Variants in KLHL32 observed in about 807,000 individuals in gnomAD.
KLHL32 encodes kelch like family member 32.
In KLHL32, 35 loss-of-function variants were observed where a neutral mutation model predicts 64.8. The observed-to-expected ratio is 0.54, with a 90% confidence interval of 0.41 to 0.72. The LOEUF (loss-of-function observed/expected upper bound fraction) is 0.72. Ranked by LOEUF, KLHL32 falls within the 30% of genes least tolerant of loss-of-function variation. The pLI is 0.00. For missense variants in KLHL32, 589 were observed against 768.5 expected (o/e 0.77, Z 2.76); for synonymous variants, 259 against 281.0 (o/e 0.92, Z 0.78).
intron 5 of KLHL32, among the ~76,000 whole-genome samples, chr6:97,077,339 A>C (rs1791757908): frequency 6.6e-6 from 1 of 152,202 alleles, no homozygotes; most frequent in African/African-American, 2.4e-5. Flanking sequence ...AGAGTCTCAA[A>C]GTTCTGCTTA....
intron 3 of KLHL32, among the ~76,000 whole-genome samples, chr6:97,004,904 A>G (rs192614482): frequency 1.3e-5 from 2 of 151,438 alleles, no homozygotes; most frequent in African/African-American, 4.8e-5. Flanking sequence ...TTTTGCATCT[A>G]TGTTCATCAA....
chr6:96,992,250 G>A lies in KLHL32; in HGVS notation c.204+16073G>A, dbSNP rs570480848. 2.6e-5 allele frequency among the ~76,000 whole-genome samples: 4 copies of A among 152,366 alleles called. No individual in the cohort carries two copies. The East Asian group carries it at 7.7e-4, about 29-fold the overall frequency. On this transcript the variant is annotated intron_variant, in intron 3 of 10. Coordinates refer to ENST00000369261, the MANE Select transcript of KLHL32 (RefSeq NM_052904.4). ...GGCTCCCGGGACCCAGGGTTGCAAA[G>A]GTCCATGGCAGAAGTGTGGGTCCCC...
chr6:97,139,163 G>A lies in KLHL32; in HGVS notation c.1744G>A (p.Gly582Arg). 2.5e-6 allele frequency: 4 copies of A among 1,613,946 alleles called. No homozygotes were observed. Among genetic ancestry groups the A allele is most frequent in the Non-Finnish European group, 3.4e-6 (4 of 1,179,932 alleles). Reference protein sequence around the residue: ...SREGKEEVFYGPTLPFASNGI... With the variant: ...SREGKEEVFYRPTLPFASNGI... Reference sequence around the variant, plus strand: ...AGAAGGCAAAGAAGAAGTATTCTATGGGCCTACACTCCCTTTTGCTTCCAA... The same window carrying A: ...AGAAGGCAAAGAAGAAGTATTCTATAGGCCTACACTCCCTTTTGCTTCCAA... Residue 582 changes from glycine to arginine, a missense_variant, in exon 11 of 11, where the codon GGG (glycine) becomes AGG (arginine). By Grantham distance (125) the Gly-to-Arg change is moderately radical. Transcript: ENST00000369261.
chr6:97,069,706 A>T (rs1373525405), intron 5 of KLHL32, among the ~76,000 whole-genome samples: 1 of 152,100 alleles, frequency 6.6e-6, no homozygotes, highest in Non-Finnish European at 1.5e-5. Flanking sequence ...TCCATTAAGT[A>T]ATTTTTCTCT....
At chr6:97,040,776 T>TA (rs1784995562) in intron 3 of KLHL32, among the ~76,000 whole-genome samples, 1 of 152,296 alleles carries the variant, frequency 6.6e-6, no homozygotes, top group South Asian at 2.1e-4. Flanking sequence ...TGGGGGCGAT[T>TA]TCCCCCATGC....
intron 3 of KLHL32, among the ~76,000 whole-genome samples, chr6:97,017,738 G>C (rs1030123481): frequency 6.6e-6 from 1 of 152,164 alleles, no homozygotes; most frequent in East Asian, 1.9e-4. Flanking sequence ...CTTGTATCTA[G>C]GTGGGGCCAT....
rs755501307 is a variant in KLHL32 at position 97,114,129 on chromosome 6, A to C, written c.974A>C (p.Asn325Thr). ...QENALIAAIA[N>T]WSELAPMPVG... The stretch of plus-strand genomic sequence containing the variant: ...AATGCTCTCATAGCTGCCATTGCCA[A>C]CTGGAGTGAGCTGGCTCCCATGCCT... Residue 325 changes from asparagine to threonine, a missense_variant, in exon 7 of 11, where the codon AAC becomes ACC. This residue lies in a region of KLHL32 where 226 missense variants were observed against 353.2 expected (regional missense o/e 0.64). Transcript: ENST00000369261. The C allele has an allele frequency of 6.2e-7, 1 of 1,614,048 alleles. No individual in the cohort carries two copies. The highest frequency in any genetic ancestry group is 8.5e-7 in the Non-Finnish European group (1 of 1,180,034).
rs1554208428 is a variant in KLHL32, at chr6:96,973,730, C to CTCTTTTTTTTTTTTTTTT, written c.24-2266_24-2265insCTTTTTTTTTTTTTTTTT. Among the ~76,000 whole-genome samples, 266 of 118,226 alleles carry CTCTTTTTTTTTTTTTTTT rather than the reference C, an allele frequency of 2.2e-3. 6 individuals are homozygous for CTCTTTTTTTTTTTTTTTT. Among genetic ancestry groups the CTCTTTTTTTTTTTTTTTT allele is most frequent in the African/African-American group, 8.2e-3 (252 of 30,728 alleles). 77.6% of individuals were successfully genotyped at this position (118,226 alleles called of 152,430 possible). A position where few individuals can be genotyped will look rare whatever the true frequency, so the allele number is the denominator to read the frequency against. On this transcript the variant is annotated intron_variant, in intron 2 of 10. Coordinates refer to ENST00000369261, the MANE Select transcript of KLHL32 (RefSeq NM_052904.4). ...GATTTTTGAGATCTTTACAGATTGCCTTTTTTTTTTTAGACAGAGTCTCGC... is the reference window on the plus strand; with the variant it reads ...GATTTTTGAGATCTTTACAGATTGCCTCTTTTTTTTTTTTTTTTTTTTTTTTTTTAGACAGAGTCTCGC...
At chr6:96,961,824 C>T (rs1773915476) in intron 1 of KLHL32, among the ~76,000 whole-genome samples, 1 of 152,188 alleles carries the variant, frequency 6.6e-6, no homozygotes, top group Non-Finnish European at 1.5e-5. Context: ...TTTTGGCTCT[C>T]TGATATCAAA....
chr6:97,056,294 T>A (rs369017844), intron 4 of KLHL32, among the ~76,000 whole-genome samples: 12 of 151,366 alleles, frequency 7.9e-5, no homozygotes, highest in South Asian at 2.1e-4. Flanking sequence ...TTTAGTAGAG[T>A]CGGGGTTTCA....
rs775724875 is a variant in KLHL32 at position 97,130,954 on chromosome 6, G to A, written c.1606+5G>A. The A allele has an allele frequency of 3.7e-6, 6 of 1,607,770 alleles. No individual in the cohort carries two copies. Among genetic ancestry groups the A allele is most frequent in the Non-Finnish European group, 4.3e-6 (5 of 1,176,242 alleles). The stretch of plus-strand genomic sequence containing the variant: ...GTAATTTCAACCTGCTGACTGGCAA[G>A]TACCTTTGATTAAGTAAATCAGGAA... On this transcript the variant is annotated splice_donor_5th_base_variant and intron_variant, in intron 9 of 10. Transcript: ENST00000369261.
intron 1 of KLHL32, among the ~76,000 whole-genome samples, chr6:96,950,387 C>T (rs1772429317): frequency 6.6e-6 from 1 of 152,036 alleles, no homozygotes; most frequent in South Asian, 2.1e-4. Flanking sequence ...TAACATGAAG[C>T]TCAACCCAGC....
intron 3 of KLHL32, among the ~76,000 whole-genome samples, chr6:96,991,279 G>A (rs2128064583): frequency 1.3e-5 from 2 of 152,256 alleles, no homozygotes; most frequent in South Asian, 4.1e-4. Context: ...CTCAGCTGGG[G>A]GTGGGGTGTC....
At position 96,944,065 on chromosome 6, in the gene KLHL32, A is replaced by G. The variant is rs532535801; in HGVS notation, c.-66+19039A>G. ...CAGCATTAATTTGACCCCCAGCTGT[A>G]TTCGTTCCCTGTCAGTTCTTGTCCT... On this transcript the variant is annotated intron_variant, in intron 1 of 10. Coordinates refer to ENST00000369261, the MANE Select transcript of KLHL32 (RefSeq NM_052904.4). 2.6e-5 allele frequency among the ~76,000 whole-genome samples: 4 copies of G among 152,284 alleles called. No homozygotes were observed. In the South Asian group the frequency reaches 6.2e-4, roughly 24 times the overall value.
At chr6:97,118,067 CAAAT>C (rs1290444304) in intron 7 of KLHL32, among the ~76,000 whole-genome samples, 2 of 152,074 alleles carry the variant, frequency 1.3e-5, no homozygotes, top group Non-Finnish European at 2.9e-5. Context: ...AGCTGGCAAT[CAAAT>C]AATTTTTCAG....
At chr6:97,044,746 GTA>G (rs1785661154) in intron 4 of KLHL32, among the ~76,000 whole-genome samples, 1 of 151,886 alleles carries the variant, frequency 6.6e-6, no homozygotes, top group South Asian at 2.1e-4. Flanking sequence ...TTGCTAGGTT[GTA>G]TGTTTCTAGG....
At chr6:97,045,165 AG>A (rs1218356294) in intron 4 of KLHL32, among the ~76,000 whole-genome samples, 1 of 152,228 alleles carries the variant, frequency 6.6e-6, no homozygotes, top group Non-Finnish European at 1.5e-5. Flanking sequence ...TCAAGTAGAA[AG>A]TATAACAGGA....
intron 1 of KLHL32, among the ~76,000 whole-genome samples, chr6:96,938,338 C>A (rs1183043090): frequency 1.4e-4 from 21 of 152,208 alleles, no homozygotes; most frequent in Non-Finnish European, 2.9e-5. Context: ...CCACTAGGTT[C>A]CCTATTGTTC....
intron 4 of KLHL32, among the ~76,000 whole-genome samples, chr6:97,047,879 C>T (rs965822216): frequency 6.6e-6 from 1 of 152,134 alleles, no homozygotes; most frequent in Non-Finnish European, 1.5e-5. Flanking sequence ...ACTTCCAGCA[C>T]CAAAGGCCTT....
Sources: allele counts gnomAD v4.1 joint callset (sites outside exome capture counted in the v4.1 genomes callset), GRCh38; gene constraint gnomAD v4.1.1; regional missense constraint gnomAD v4.1.1; transcripts MANE v1.5; gene names NCBI Gene and HGNC (gene_info 2026-07-23, HGNC 2026-07-21).